The following TRIO variants were observed in gnomAD, a reference collection of about 807,000 sequenced individuals.
TRIO encodes the protein triple functional domain protein.
In TRIO, 58 loss-of-function variants were observed where a neutral mutation model predicts 351.9. The observed-to-expected ratio is 0.16, with a 90% CI of 0.13 to 0.21. The LOEUF (loss-of-function observed/expected upper bound fraction) is 0.21. TRIO is among the 10% of genes least tolerant of loss of function. The pLI is 1.00. For missense variants in TRIO, 3,201 were observed against 4,027.8 expected, an observed-to-expected ratio of 0.79 and a Z score of 5.56; for synonymous variants, 1,758 against 1,595.7, an observed-to-expected ratio of 1.10 and a Z score of -2.42.
intron 1 of TRIO, among the ~76,000 whole-genome samples, chr5:14,266,217 C>T (rs1181843448): frequency 6.6e-6 from 1 of 152,070 alleles, no homozygotes; most frequent in Admixed American, 6.5e-5. Flanking sequence ...CACCACTGCT[C>T]CTGGCTAATA....
intron 29 of TRIO, chr5:14,397,461 A>G (rs954002597): frequency 2.1e-5 from 6 of 279,750 alleles, no homozygotes; most frequent in Non-Finnish European, 2.7e-5. Context: ...AGGTGGGTGT[A>G]TGGGTGGATC....
At chr5:14,495,771 A>G (rs1453740404) in intron 49 of TRIO, among the ~76,000 whole-genome samples, 1 of 151,476 alleles carries the variant, frequency 6.6e-6, no homozygotes, top group Non-Finnish European at 1.5e-5. Context: ...GATCGAGACC[A>G]TCCTGGCTAA....
chr5:14,332,228 T>TA (rs1460899685), intron 10 of TRIO, among the ~76,000 whole-genome samples: 1 of 152,240 alleles, frequency 6.6e-6, no homozygotes, highest in Non-Finnish European at 1.5e-5. Flanking sequence ...ACAAAGTTAT[T>TA]ATCCAGGAAG....
intron 1 of TRIO, among the ~76,000 whole-genome samples, chr5:14,250,419 C>T (rs1794672849): frequency 6.6e-6 from 1 of 152,236 alleles, no homozygotes; most frequent in South Asian, 2.1e-4. Flanking sequence ...GCTGGCTTTA[C>T]AGCTGAACTG....
intron 19 of TRIO, among the ~76,000 whole-genome samples, chr5:14,376,726 T>C (rs1038560897): frequency 4.6e-5 from 7 of 152,250 alleles, no homozygotes; most frequent in African/African-American, 1.4e-4. Context: ...GTACAAACAG[T>C]TTTGAATAGT....
At chr5:14,506,410 G>A (rs1757690609) in intron 55 of TRIO, among the ~76,000 whole-genome samples, 2 of 152,176 alleles carry the variant, frequency 1.3e-5, no homozygotes, top group South Asian at 2.1e-4. Flanking sequence ...TGTTGAGAGA[G>A]GTGGGGGCCA....
intron 34 of TRIO, among the ~76,000 whole-genome samples, chr5:14,447,700 T>C (rs1752542909): frequency 1.3e-5 from 2 of 152,190 alleles, no homozygotes; most frequent in Admixed American, 1.3e-4. Context: ...CAACAAATCA[T>C]AGGAAGACAT....
intron 2 of TRIO, among the ~76,000 whole-genome samples, chr5:14,273,416 C>T (rs1227944287): frequency 1.3e-5 from 2 of 152,182 alleles, no homozygotes; most frequent in Admixed American, 1.3e-4. Flanking sequence ...GTACTACTTC[C>T]TTCATTTAGG....
intron 2 of TRIO, among the ~76,000 whole-genome samples, chr5:14,277,972 A>G (rs1185465433): frequency 6.6e-6 from 1 of 152,234 alleles, no homozygotes. Context: ...ATGATTTTTG[A>G]TAAAATTGTA....
intron 2 of TRIO, among the ~76,000 whole-genome samples, chr5:14,276,149 G>A (rs1041186544): frequency 5.3e-5 from 8 of 151,936 alleles, no homozygotes; most frequent in Middle Eastern, 6.8e-3. Flanking sequence ...GATGCCTTAA[G>A]GTTTGCTGGT....
intron 2 of TRIO, among the ~76,000 whole-genome samples, chr5:14,271,386 T>A (rs570492339): frequency 1.3e-5 from 2 of 152,308 alleles, no homozygotes; most frequent in Admixed American, 6.5e-5. Context: ...AGGACCCATG[T>A]CATGGACGAT....
At chr5:14,258,269 A>C (rs912785639) in intron 1 of TRIO, among the ~76,000 whole-genome samples, 4 of 152,008 alleles carry the variant, frequency 2.6e-5, no homozygotes, top group African/African-American at 9.7e-5. Flanking sequence ...GCTGCTTGTA[A>C]CCCTGTGTCA....
chr5:14,182,839 A>C (rs1264337007), intron 1 of TRIO, among the ~76,000 whole-genome samples: 1 of 145,718 alleles, frequency 6.9e-6, no homozygotes. Flanking sequence ...TTCCTAAGGA[A>C]AATTGGACCA....
At chr5:14,312,269 A>G (rs980799760) in intron 8 of TRIO, among the ~76,000 whole-genome samples, 1 of 152,234 alleles carries the variant, frequency 6.6e-6, no homozygotes, top group Non-Finnish European at 1.5e-5. Flanking sequence ...ATATTCAAGA[A>G]GCAGCCCATT....
chr5:14,482,276 CG>C (rs1755587669), intron 45 of TRIO: 3 of 187,860 alleles, frequency 1.6e-5, no homozygotes, highest in African/African-American at 7.0e-5. Context: ...TTCCTGCTGG[CG>C]ACCCAGGGAC....
intron 34 of TRIO, among the ~76,000 whole-genome samples, chr5:14,443,110 T>C (rs746982957): frequency 2.6e-5 from 4 of 152,220 alleles, no homozygotes; most frequent in African/African-American, 9.6e-5. Context: ...TAGAGGATAA[T>C]TGTGCTGTTA....
At chr5:14,308,136 G>A (rs1738537344) in intron 8 of TRIO, among the ~76,000 whole-genome samples, 1 of 152,074 alleles carries the variant, frequency 6.6e-6, no homozygotes, top group South Asian at 2.1e-4. Flanking sequence ...TAAAGACCTG[G>A]GTTCTCAGAG....
chr5:14,296,743 G>A (rs944302478), intron 6 of TRIO, among the ~76,000 whole-genome samples: 5 of 152,182 alleles, frequency 3.3e-5, no homozygotes, highest in African/African-American at 1.2e-4. Context: ...TCTGGACCCT[G>A]TTCAGTATTT....
intron 11 of TRIO, among the ~76,000 whole-genome samples, chr5:14,349,529 C>T (rs895382379): frequency 9.2e-5 from 14 of 152,214 alleles, no homozygotes; most frequent in Non-Finnish European, 1.6e-4. Context: ...AAGCTGTGCT[C>T]TTCCCTTAGG....
Sources: gnomAD v4.1 joint callset for allele counts (sites outside exome capture counted in the v4.1 genomes callset) on GRCh38, gnomAD v4.1.1 for gene constraint, MANE v1.5 for transcripts, NCBI Gene and HGNC (gene_info 2026-07-23, HGNC 2026-07-21) for gene names.